TGFBR2: variants seen among roughly 807,000 people sequenced by gnomAD.
The protein encoded by TGFBR2 is transforming growth factor beta receptor 2.
Under a neutral mutation model 49.0 loss-of-function variants are expected in TGFBR2, and 18 were observed. The observed-to-expected ratio is 0.37, with a 90% CI of 0.25 to 0.54. The LOEUF is 0.54. TGFBR2 is among the 20% of genes least tolerant of loss of function. TGFBR2 has a pLI of 0.85. For missense variants in TGFBR2, 525 were observed against 722.6 expected, an observed-to-expected ratio of 0.73 and a Z score of 3.13; for synonymous variants, 282 against 275.9, an observed-to-expected ratio of 1.02 and a Z score of -0.22.
chr3:30,677,977 C>T (rs1331818203), intron 5 of TGFBR2, among the ~76,000 whole-genome samples: 3 of 152,162 alleles, frequency 2.0e-5, no homozygotes, highest in South Asian at 4.1e-4. Flanking sequence ...TTTCCTTAAG[C>T]TTGAACTTCT....
Position 30,676,716 on chromosome 3 carries a change from T to C in TGFBR2, c.1396+2470T>C, listed in dbSNP as rs1015819510. On this transcript the variant is annotated intron_variant, in intron 5 of 6. Coordinates refer to ENST00000295754, the MANE Select transcript of TGFBR2 (RefSeq NM_003242.6). The surrounding 1 kb of genome is among the most constrained non-coding windows in gnomAD (Gnocchi z 4.3). ...AATATGCATAGCCAATTCTCCAGCG[T>C]GGGTCCGGGTCACCCCCTCCCATCC... Among the ~76,000 whole-genome samples the C allele has an allele frequency of 9.2e-5, 14 of 152,232 alleles. No individual in the cohort carries two copies. The highest frequency in any genetic ancestry group is 3.4e-4 in the African/African-American group (14 of 41,470).
At chr3:30,626,125 T>C (rs953296348) in intron 1 of TGFBR2, among the ~76,000 whole-genome samples, 7 of 152,194 alleles carry the variant, frequency 4.6e-5, no homozygotes, top group Non-Finnish European at 8.8e-5. Flanking sequence ...TGTGGAACCA[T>C]GTTGAGAAAC....
intron 1 of TGFBR2, among the ~76,000 whole-genome samples, chr3:30,630,980 C>A: frequency 6.6e-6 from 1 of 151,602 alleles, no homozygotes; most frequent in African/African-American, 2.4e-5. Flanking sequence ...GTATGGCAGC[C>A]AAACAGACTA....
In TGFBR2 at chr3:30,688,475, G is replaced by A. The variant is rs2125452111; in HGVS notation, c.1488G>A (p.Gly496=). 6.2e-7 allele frequency: 1 copy of A among 1,614,234 alleles called. No homozygotes were observed. The change falls in exon 6 of 7, where the codon GGG becomes GGA. Residue 496 remains glycine, a synonymous_variant. Transcript: ENST00000295754. ...SMKDNVLRDR[G]RPEIPSFWLN... The stretch of plus-strand genomic sequence containing the variant: ...AGGACAACGTGTTGAGAGATCGAGG[G>A]CGACCAGAAATTCCCAGCTTCTGGC...
At chr3:30,609,575 A>G (rs985244309) in intron 1 of TGFBR2, among the ~76,000 whole-genome samples, 1 of 152,200 alleles carries the variant, frequency 6.6e-6, no homozygotes, top group Non-Finnish European at 1.5e-5. Flanking sequence ...CTCTTCCTAA[A>G]TGATCAAAAT....
chr3:30,692,458 G>T lies in TGFBR2; in HGVS notation c.*859G>T, dbSNP rs548242538. On this transcript the variant is annotated 3_prime_UTR_variant, in exon 7 of 7. Transcript: ENST00000295754. ...TCAGAACAGATGTCCCCATCCATGC[G>T]ATTGCCCCACCATCTACTAATGAAA... is the stretch of plus-strand genomic sequence containing the variant. 4.3e-6 allele frequency: 1 copy of T among 232,172 alleles called. No homozygotes were observed. The highest frequency in any genetic ancestry group is 2.2e-5 in the African/African-American group (1 of 45,238). 14.4% of individuals were successfully genotyped at this position (232,172 alleles called of 1,614,324 possible). A position where few individuals can be genotyped will look rare whatever the true frequency, so the allele number is the denominator to read the frequency against.
At chr3:30,680,135 C>CA (rs543752505) in intron 5 of TGFBR2, among the ~76,000 whole-genome samples, 23 of 148,026 alleles carry the variant, frequency 1.6e-4, no homozygotes, top group African/African-American at 4.2e-4. Context: ...CCCCGCCCCC[C>CA]AAAAAAAATA....
chr3:30,618,419 G>A (rs1698169327), intron 1 of TGFBR2, among the ~76,000 whole-genome samples: 1 of 151,886 alleles, frequency 6.6e-6, no homozygotes, highest in South Asian at 2.1e-4. Flanking sequence ...TGTATTTTTA[G>A]TAGAGACACG....
In TGFBR2 at chr3:30,674,266, A is replaced by G. The variant is rs1456494822; in HGVS notation, c.1396+20A>G. 1.9e-6 allele frequency: 3 copies of G among 1,613,910 alleles called. No individual in the cohort carries two copies. The highest frequency in any genetic ancestry group is 1.1e-5 in the South Asian group (1 of 91,074). Reference sequence around the variant, plus strand: ...TGGGAGGTAGGTGTGGACCAGCATCATTGTGTAGTGGTAAACTTGTCTTCA... The same window carrying G: ...TGGGAGGTAGGTGTGGACCAGCATCGTTGTGTAGTGGTAAACTTGTCTTCA... On this transcript the variant is annotated intron_variant, in intron 5 of 6. Coordinates refer to ENST00000295754, the MANE Select transcript of TGFBR2 (RefSeq NM_003242.6).
intron 2 of TGFBR2, among the ~76,000 whole-genome samples, chr3:30,647,441 T>G (rs550249866): frequency 8.5e-5 from 13 of 152,276 alleles, no homozygotes; most frequent in Admixed American, 3.3e-4. Context: ...AAGGTCTGTT[T>G]CCAGGAAACC....
Position 30,688,372 on chromosome 3 carries a change from C to A in TGFBR2, c.1397-12C>A. 5.6e-6 allele frequency: 9 copies of A among 1,614,142 alleles called. No individual in the cohort carries two copies. Among genetic ancestry groups the A allele is most frequent in the Non-Finnish European group, 7.6e-6 (9 of 1,179,978 alleles). On this transcript the variant is annotated splice_polypyrimidine_tract_variant and intron_variant, in intron 5 of 6. Coordinates refer to ENST00000295754, the MANE Select transcript of TGFBR2 (RefSeq NM_003242.6). ...TTCTCAGTGACCCTGTGTTTGCTGGCTTTCTTCACAGAAGTAAAAGATTAT... is the reference window on the plus strand; with the variant it reads ...TTCTCAGTGACCCTGTGTTTGCTGGATTTCTTCACAGAAGTAAAAGATTAT...
chr3:30,613,762 A>G (rs563441877), intron 1 of TGFBR2, among the ~76,000 whole-genome samples: 30 of 152,314 alleles, frequency 2.0e-4, no homozygotes, highest in African/African-American at 3.8e-4. Flanking sequence ...TTGAAAAGAT[A>G]TATTTGTCAG....
At chr3:30,648,485 G>A (rs1698818400) in intron 2 of TGFBR2, among the ~76,000 whole-genome samples, 1 of 145,806 alleles carries the variant, frequency 6.9e-6, no homozygotes, top group Non-Finnish European at 1.5e-5. Flanking sequence ...CAGGGAGGAA[G>A]GTGTTCTTGT....
intron 5 of TGFBR2, among the ~76,000 whole-genome samples, chr3:30,684,927 A>T (rs532068336): frequency 5.9e-5 from 9 of 152,336 alleles, no homozygotes; most frequent in African/African-American, 2.2e-4. Flanking sequence ...TATAAAAAAA[A>T]TTACAATAAA....
rs183444038 is a variant in TGFBR2, at chr3:30,643,071, T to A, written c.95-1676T>A. ...TATTTTTAGAGACCCAGGAAACAGG[T>A]GCTATGCCCAAGCTACAAAGACAGT... is the stretch of plus-strand genomic sequence containing the variant. On this transcript the variant is annotated intron_variant, in intron 1 of 6. Coordinates refer to ENST00000295754, the MANE Select transcript of TGFBR2 (RefSeq NM_003242.6). Among the ~76,000 whole-genome samples, 5 of 152,264 alleles carry A rather than the reference T, an allele frequency of 3.3e-5. No individual in the cohort carries two copies. The East Asian group carries it at 9.7e-4, about 29-fold the overall frequency.
chr3:30,656,071 C>G (rs998366917), intron 3 of TGFBR2, among the ~76,000 whole-genome samples: 3 of 152,096 alleles, frequency 2.0e-5, no homozygotes, highest in African/African-American at 7.2e-5. Flanking sequence ...GGGATGGAAC[C>G]AGAGATGGAG....
intron 1 of TGFBR2, among the ~76,000 whole-genome samples, chr3:30,608,965 T>C (rs1266538427): frequency 6.6e-6 from 1 of 152,236 alleles, no homozygotes; most frequent in Non-Finnish European, 1.5e-5. Context: ...CTGATGTTGT[T>C]AGTTAGGTTC....
chr3:30,650,126 A>G, intron 2 of TGFBR2, 144 bp from the exon 3 acceptor site: 1 of 796,938 alleles, frequency 1.3e-6, no homozygotes, highest in Admixed American at 1.9e-5. Context: ...ATGCTGGAGA[A>G]CAGGAACCAG....
rs578161788 is a variant in TGFBR2 at position 30,656,966 on chromosome 3, C to G, written c.454+6506C>G. On this transcript the variant is annotated intron_variant, in intron 3 of 6. Coordinates refer to ENST00000295754, the MANE Select transcript of TGFBR2 (RefSeq NM_003242.6). The stretch of plus-strand genomic sequence containing the variant: ...TGTGTGCACCTGTGCTAACTACTTT[C>G]AGGTGTGTTGTCTTGTTTCATAGAC... Among the ~76,000 whole-genome samples the G allele has an allele frequency of 2.6e-5, 4 of 152,284 alleles. No individual in the cohort carries two copies. In the East Asian group the frequency reaches 7.7e-4, roughly 29 times the overall value.
Sources: allele counts gnomAD v4.1 joint callset (sites outside exome capture counted in the v4.1 genomes callset), GRCh38; gene constraint gnomAD v4.1.1; non-coding constraint Gnocchi (gnomAD v3.1); transcripts MANE v1.5; gene names NCBI Gene and HGNC (gene_info 2026-07-23, HGNC 2026-07-21).